Variants in CFH observed in about 807,000 individuals in gnomAD.
The protein encoded by CFH is H factor 1 (complement).
Under a neutral mutation model 147.3 loss-of-function variants are expected in CFH, and 53 were observed. The ratio of observed to expected loss-of-function variants is 0.36; its 90% CI spans 0.29 to 0.45. CFH has a LOEUF of 0.45. Among genes scored for constraint, CFH ranks in the 20% least tolerant of loss-of-function variants. CFH has a pLI of 1.00. For missense variants in CFH, 1,380 were observed against 1,498.0 expected, an observed-to-expected ratio of 0.92 and a Z score of 1.30; for synonymous variants, 536 against 489.4, an observed-to-expected ratio of 1.10 and a Z score of -1.26.
chr1:196,726,432 A>C (rs1669138341), intron 12 of CFH, 38 bp from the exon 13 acceptor site: 1 of 1,476,282 alleles, frequency 6.8e-7, no homozygotes, highest in South Asian at 1.2e-5. Context: ...TGTAAAACAG[A>C]CAATTTAACC....
intron 6 of CFH, 107 bp downstream of exon 6, chr1:196,679,900 T>C: frequency 1.0e-6 from 1 of 998,320 alleles, no homozygotes; most frequent in Non-Finnish European, 1.5e-6. Context: ...CTAATTTATG[T>C]AAATAAACTA....
intron 9 of CFH, among the ~76,000 whole-genome samples, chr1:196,702,720 G>T (rs1481519294): frequency 1.3e-5 from 2 of 152,204 alleles, no homozygotes; most frequent in Non-Finnish European, 2.9e-5. Context: ...TCCAGTAAGG[G>T]CAGCTGCTCA....
intron 1 of CFH, among the ~76,000 whole-genome samples, chr1:196,654,399 A>G (rs1666612579): frequency 6.6e-6 from 1 of 152,114 alleles, no homozygotes; most frequent in Non-Finnish European, 1.5e-5. Flanking sequence ...ATTGTCTACA[A>G]TAACATTTCC....
intron 9 of CFH, chr1:196,701,323 A>G (rs1286495802): frequency 4.3e-6 from 7 of 1,613,610 alleles, no homozygotes; most frequent in Non-Finnish European, 4.2e-6. Flanking sequence ...CCCAGGCTTT[A>G]CCCTCTGAAC....
intron 9 of CFH, among the ~76,000 whole-genome samples, chr1:196,705,782 C>A (rs1359300019): frequency 2.0e-5 from 3 of 152,112 alleles, no homozygotes; most frequent in Admixed American, 2.0e-4. Flanking sequence ...ACTGTACACA[C>A]CCCATACTGT....
intron 1 of CFH, among the ~76,000 whole-genome samples, chr1:196,671,097 C>T (rs1240679598): frequency 6.6e-6 from 1 of 152,076 alleles, no homozygotes; most frequent in Non-Finnish European, 1.5e-5. Flanking sequence ...TTAAAACCAT[C>T]TGACAAGTTG....
intron 12 of CFH, among the ~76,000 whole-genome samples, chr1:196,726,074 C>T (rs1237746192): frequency 6.6e-6 from 1 of 152,090 alleles, no homozygotes; most frequent in Admixed American, 6.6e-5. Context: ...ATTTAAGCAG[C>T]TTATATTCAA....
intron 15 of CFH, among the ~76,000 whole-genome samples, chr1:196,731,509 C>A (rs189729696): frequency 2.6e-5 from 4 of 152,018 alleles, no homozygotes; most frequent in Non-Finnish European, 4.4e-5. Context: ...GCCTTTTAAC[C>A]TTTATGCTAG....
At chr1:196,659,199 T>C (rs1666824343) in intron 1 of CFH, among the ~76,000 whole-genome samples, 1 of 152,230 alleles carries the variant, frequency 6.6e-6, no homozygotes, top group African/African-American at 2.4e-5. Flanking sequence ...AACCGTTTGT[T>C]GTCTACTTGA....
intron 9 of CFH, among the ~76,000 whole-genome samples, chr1:196,700,451 C>T (rs10801557): frequency 0.65 from 98,057 of 151,750 alleles, 32,124 homozygotes; most frequent in East Asian, 0.95. Context: ...GTCAGGAGCT[C>T]GAGACCAGGC....
chr1:196,662,603 C>T (rs905939778), intron 1 of CFH, among the ~76,000 whole-genome samples: 5 of 151,998 alleles, frequency 3.3e-5, no homozygotes, highest in Admixed American at 6.6e-5. Flanking sequence ...TTAATCAGCC[C>T]GGGCACGGTG....
chr1:196,656,028 G>A (rs539567947), intron 1 of CFH, among the ~76,000 whole-genome samples: 7 of 152,270 alleles, frequency 4.6e-5, no homozygotes, highest in East Asian at 1.9e-4. Context: ...CTTCCAGGCC[G>A]GGCATGGTGG....
At chr1:196,680,534 C>T (rs571177820) in intron 6 of CFH, among the ~76,000 whole-genome samples, 2 of 151,792 alleles carry the variant, frequency 1.3e-5, no homozygotes, top group Non-Finnish European at 2.9e-5. Context: ...ATAAGACGTA[C>T]AGTAAGAAGC....
intron 1 of CFH, among the ~76,000 whole-genome samples, chr1:196,667,999 A>G (rs1667154549): frequency 6.6e-6 from 1 of 152,092 alleles, no homozygotes; most frequent in Non-Finnish European, 1.5e-5. Context: ...CTATTGTTTC[A>G]TATTATACTC....
rs886045744 is a variant in CFH at position 196,677,473 on chromosome 1, C to T, written c.428-3C>T. ...TAGAAAACATTACATGTATTTTCTT[C>T]AGTTGTGAAGTGTTTACCAGTGACA... On this transcript the variant is annotated splice_polypyrimidine_tract_variant and splice_region_variant and intron_variant, in intron 4 of 21. Transcript: ENST00000367429. 2 of 1,612,044 alleles carry T rather than the reference C, an allele frequency of 1.2e-6. No individual in the cohort carries two copies. Among genetic ancestry groups the T allele is most frequent in the Non-Finnish European group, 1.7e-6 (2 of 1,178,592 alleles).
chr1:196,692,608 TTTTC>T (rs1361383291), intron 9 of CFH, among the ~76,000 whole-genome samples: 135 of 148,642 alleles, frequency 9.1e-4, no homozygotes, highest in Middle Eastern at 3.4e-3. Context: ...CCTTCTTTCT[TTTTC>T]TTTCTTTCAT....
intron 9 of CFH, among the ~76,000 whole-genome samples, chr1:196,696,420 C>T (rs181031368): frequency 3.3e-5 from 5 of 152,182 alleles, no homozygotes; most frequent in Admixed American, 6.5e-5. Flanking sequence ...AATGAGAAGA[C>T]AGACACAATG....
intron 11 of CFH, among the ~76,000 whole-genome samples, chr1:196,719,483 T>A (rs1053579182): frequency 6.6e-6 from 1 of 151,860 alleles, no homozygotes; most frequent in Admixed American, 6.6e-5. Context: ...CAAAAGCAAA[T>A]TTTTGTAGTT....
At chr1:196,700,936 C>CTG (rs369138603) in intron 9 of CFH, 84 of 854,710 alleles carry the variant, frequency 9.8e-5, no homozygotes, top group African/African-American at 1.3e-4. Context: ...CCATTTCCTT[C>CTG]TGTGTGTGTG....
Sources: allele counts gnomAD v4.1 joint callset (sites outside exome capture counted in the v4.1 genomes callset), GRCh38; gene constraint gnomAD v4.1.1; transcripts MANE v1.5; gene names NCBI Gene and HGNC (gene_info 2026-07-23, HGNC 2026-07-21).